Variants in CCDC7 observed in about 807,000 individuals in gnomAD.
The protein encoded by CCDC7 is coiled-coil domain containing 7, also known as coiled-coil domain-containing protein 7.
Under a neutral mutation model 196.9 loss-of-function variants are expected in CCDC7, and 183 were observed. The ratio of observed to expected loss-of-function variants is 0.93; its 90% CI spans 0.82 to 1.05. The LOEUF (loss-of-function observed/expected upper bound fraction) is 1.05, where lower values mean the gene tolerates loss of function less well. Ranked by LOEUF, CCDC7 falls within the 50% of genes least tolerant of loss-of-function variation. The pLI is 0.00. For missense variants in CCDC7, 1,540 were observed against 1,482.2 expected (o/e 1.04, Z -0.64); for synonymous variants, 525 against 484.6 (o/e 1.08, Z -1.10).
In CCDC7 at chr10:32,622,882, A is replaced by G. The variant is rs536912264; in HGVS notation, c.1802-11372A>G. ...TAAGTTTAAAAAATAGATATTATTA[A>G]TAATAATAAAATGTTTTTATGCCTG... On this transcript the variant is annotated intron_variant, in intron 18 of 41. Coordinates refer to ENST00000639629, the Ensembl canonical transcript of CCDC7. Among the ~76,000 whole-genome samples the G allele has an allele frequency of 6.6e-5, 10 of 152,288 alleles. 1 individual carries two copies. The South Asian group carries it at 2.1e-3, about 32-fold the overall frequency.
upstream of CCDC7, among the ~76,000 whole-genome samples, chr10:32,444,350 T>A (rs2030509496): frequency 6.6e-6 from 1 of 152,208 alleles, no homozygotes; most frequent in African/African-American, 2.4e-5. Flanking sequence ...TGCTTAAATT[T>A]ATTAACTTTT....
intron 28 of CCDC7, among the ~76,000 whole-genome samples, chr10:32,772,652 G>A (rs2079354152): frequency 6.6e-6 from 1 of 152,240 alleles, no homozygotes. Context: ...CCCCTGTTAA[G>A]ATCAGTAAGG....
intron 25 of CCDC7, among the ~76,000 whole-genome samples, chr10:32,721,432 A>G (rs373009282): frequency 1.3e-5 from 2 of 152,198 alleles, no homozygotes; most frequent in Non-Finnish European, 2.9e-5. Flanking sequence ...ACAAGGACTC[A>G]GGGTAAAGTT....
At chr10:32,588,452 G>T (rs2137724856) in intron 18 of CCDC7, among the ~76,000 whole-genome samples, 1 of 152,128 alleles carries the variant, frequency 6.6e-6, no homozygotes, top group East Asian at 1.9e-4. Context: ...GATTAATGTG[G>T]TGTATTATAC....
chr10:32,818,048 G>A (rs970084192), intron 31 of CCDC7, among the ~76,000 whole-genome samples: 1 of 152,116 alleles, frequency 6.6e-6, no homozygotes, highest in African/African-American at 2.4e-5. Context: ...CTGGCAAATT[G>A]GATAAAGAGT....
At chr10:32,875,527 G>A (rs779882443) in intron 41 of CCDC7, among the ~76,000 whole-genome samples, 6 of 151,878 alleles carry the variant, frequency 4.0e-5, no homozygotes, top group Non-Finnish European at 7.4e-5. Flanking sequence ...TGCTGTTTTG[G>A]TTACTGTAGC....
intron 23 of CCDC7, among the ~76,000 whole-genome samples, chr10:32,694,335 T>C (rs970914861): frequency 3.3e-5 from 5 of 152,228 alleles, no homozygotes; most frequent in Non-Finnish European, 5.9e-5. Context: ...GTTTGTGATG[T>C]TTTTGTTACC....
At chr10:32,533,376 TA>T (rs1472619177) in intron 11 of CCDC7, among the ~76,000 whole-genome samples, 5 of 152,106 alleles carry the variant, frequency 3.3e-5, no homozygotes, top group African/African-American at 1.2e-4. Context: ...GTAATATTTT[TA>T]TTTTTGATAG....
intron 29 of CCDC7, among the ~76,000 whole-genome samples, chr10:32,802,170 C>T (rs764981762): frequency 2.0e-4 from 31 of 152,060 alleles, no homozygotes; most frequent in African/African-American, 5.6e-4. Flanking sequence ...CTTCTAGAGC[C>T]GGGAGATAGA....
intron 31 of CCDC7, among the ~76,000 whole-genome samples, chr10:32,822,931 A>C (rs2090496276): frequency 6.6e-6 from 1 of 152,148 alleles, no homozygotes; most frequent in Non-Finnish European, 1.5e-5. Context: ...GTAGTGTTTA[A>C]CTCTAAAATG....
At position 32,769,895 on chromosome 10, in the gene CCDC7, G is replaced by A. The variant is rs192113314; in HGVS notation, c.2906-9082G>A. 3.2e-4 allele frequency among the ~76,000 whole-genome samples: 49 copies of A among 152,268 alleles called. 1 individual carries two copies. In the East Asian group the frequency reaches 9.1e-3, roughly 28 times the overall value. On this transcript the variant is annotated intron_variant, in intron 28 of 41. Coordinates refer to ENST00000639629, the Ensembl canonical transcript of CCDC7. ...CAGTCTATCATTGATGGGCATTTGG[G>A]TTTGTTCCTAGTCTTTGCTATTGTG...
intron 25 of CCDC7, among the ~76,000 whole-genome samples, chr10:32,713,584 G>C (rs1466444885): frequency 1.3e-5 from 2 of 152,262 alleles, no homozygotes; most frequent in Non-Finnish European, 2.9e-5. Flanking sequence ...GAGAGGGTTA[G>C]AGAAAATAGC....
chr10:32,595,071 A>G (rs979375872), intron 18 of CCDC7, among the ~76,000 whole-genome samples: 5 of 152,142 alleles, frequency 3.3e-5, no homozygotes, highest in Non-Finnish European at 5.9e-5. Context: ...CATAAAATGA[A>G]TTAGGGAGGA....
intron 28 of CCDC7, among the ~76,000 whole-genome samples, chr10:32,749,936 A>C (rs2075401014): frequency 6.6e-6 from 1 of 152,098 alleles, no homozygotes; most frequent in South Asian, 2.1e-4. Flanking sequence ...AATTTCCTCC[A>C]TCCTCACAGT....
chr10:32,735,819 A>G (rs556517390), intron 28 of CCDC7, among the ~76,000 whole-genome samples: 8 of 152,270 alleles, frequency 5.3e-5, no homozygotes, highest in African/African-American at 1.7e-4. Flanking sequence ...ATTTAGATCT[A>G]TGATCCACTA....
At chr10:32,681,937 A>G (rs2075914918) in intron 21 of CCDC7, among the ~76,000 whole-genome samples, 1 of 151,706 alleles carries the variant, frequency 6.6e-6, no homozygotes, top group Non-Finnish European at 1.5e-5. Flanking sequence ...TCCATTTCAT[A>G]TATATATATA....
At chr10:32,678,714 G>A (rs563680088) in intron 21 of CCDC7, among the ~76,000 whole-genome samples, 6 of 152,218 alleles carry the variant, frequency 3.9e-5, no homozygotes, top group African/African-American at 1.2e-4. Flanking sequence ...TATTCCCCAC[G>A]GGAAAACTGA....
chr10:32,606,838 T>C (rs2061604856), intron 18 of CCDC7, among the ~76,000 whole-genome samples: 1 of 152,142 alleles, frequency 6.6e-6, no homozygotes. Context: ...ACTTGGGACT[T>C]TTGAGTTAAT....
chr10:32,822,011 A>C (rs766971497), intron 31 of CCDC7, among the ~76,000 whole-genome samples: 2 of 149,972 alleles, frequency 1.3e-5, no homozygotes, highest in African/African-American at 2.4e-5. Context: ...AAAAAAAAAA[A>C]TCTACCAACC....
Sources: allele counts gnomAD v4.1 joint callset (sites outside exome capture counted in the v4.1 genomes callset), GRCh38; gene constraint gnomAD v4.1.1; transcripts MANE v1.5; gene names NCBI Gene and HGNC (gene_info 2026-07-23, HGNC 2026-07-21).